Variants in RGS6 observed in about 807,000 individuals in gnomAD.
RGS6 encodes regulator of G protein signaling 6.
RGS6 carries 30 observed loss-of-function variants against 78.5 expected under a neutral mutation model. The observed-to-expected ratio is 0.38, with a 90% confidence interval of 0.29 to 0.52. RGS6 has a LOEUF of 0.52. RGS6 is among the 20% of genes least tolerant of loss of function. The pLI, the probability that RGS6 is intolerant of heterozygous loss-of-function variation, is 0.85. For missense variants in RGS6, 495 were observed against 609.7 expected (o/e 0.81, Z 1.98); for synonymous variants, 206 against 206.0 (o/e 1.00, Z 0.00).
At chr14:72,350,168 A>G (rs1426593699) in intron 2 of RGS6, among the ~76,000 whole-genome samples, 1 of 152,090 alleles carries the variant, frequency 6.6e-6, no homozygotes, top group Non-Finnish European at 1.5e-5. Context: ...CTAGCATAAT[A>G]CTCATCTACC....
chr14:72,091,801 A>G (rs8021620), intron 2 of RGS6, among the ~76,000 whole-genome samples: 132,321 of 152,088 alleles, frequency 0.87, 57,902 homozygotes, highest in Admixed American at 0.93. Flanking sequence ...AATCACATTT[A>G]ACTGCTCTCC....
chr14:72,483,438 C>T (rs1041843661), intron 12 of RGS6, among the ~76,000 whole-genome samples: 18 of 152,108 alleles, frequency 1.2e-4, no homozygotes, highest in African/African-American at 4.3e-4. Context: ...TGCCGCTGCT[C>T]CCTGAAATTG....
At chr14:72,105,411 G>A (rs2095613711) in intron 2 of RGS6, among the ~76,000 whole-genome samples, 2 of 152,040 alleles carry the variant, frequency 1.3e-5, no homozygotes, top group African/African-American at 4.8e-5. Flanking sequence ...ATTCCTTTTT[G>A]TACTTTTCAT....
At chr14:72,422,141 TGC>T in intron 3 of RGS6, among the ~76,000 whole-genome samples, 1 of 152,208 alleles carries the variant, frequency 6.6e-6, no homozygotes, top group Non-Finnish European at 1.5e-5. Context: ...AGACATGACT[TGC>T]ACCTCCTTGC....
intron 2 of RGS6, among the ~76,000 whole-genome samples, chr14:72,324,374 T>A (rs1037398120): frequency 6.6e-6 from 1 of 152,110 alleles, no homozygotes; most frequent in Non-Finnish European, 1.5e-5. Context: ...CTTTTTTTTT[T>A]AATTTAAGTT....
chr14:71,922,350 A>G, the RGS6 span, among the ~76,000 whole-genome samples: 2 of 152,180 alleles, frequency 1.3e-5, no homozygotes, highest in Non-Finnish European at 2.9e-5. Flanking sequence ...ATCCCTCACC[A>G]TACTGGATTA....
rs562026483 is a variant in RGS6 at position 72,186,136 on chromosome 14, A to G, written c.85-165959A>G. Among the ~76,000 whole-genome samples, 6 of 152,332 alleles carry G rather than the reference A, an allele frequency of 3.9e-5. No individual in the cohort carries two copies. The South Asian group carries it at 1.2e-3, about 32-fold the overall frequency. Reference sequence around the variant, plus strand: ...TCCGGTGCCTTTGACCCCAAAGCCTATGGCTGGAGATGCCTGCCAAGGCAA... The same window carrying G: ...TCCGGTGCCTTTGACCCCAAAGCCTGTGGCTGGAGATGCCTGCCAAGGCAA... On this transcript the variant is annotated intron_variant, in intron 2 of 17. Transcript: ENST00000553525.
intron 2 of RGS6, among the ~76,000 whole-genome samples, chr14:72,182,738 G>A (rs1478365954): frequency 6.6e-6 from 1 of 152,212 alleles, no homozygotes; most frequent in African/African-American, 2.4e-5. Context: ...GAGCTCAGCA[G>A]CAAGTTTCTA....
intron 2 of RGS6, among the ~76,000 whole-genome samples, chr14:72,044,979 C>T (rs1380558677): frequency 6.6e-6 from 1 of 152,220 alleles, no homozygotes; most frequent in East Asian, 1.9e-4. Context: ...CTTAGGCCTT[C>T]AGCCTTGGAC....
the RGS6 span, among the ~76,000 whole-genome samples, chr14:72,609,877 C>T: frequency 1.3e-5 from 2 of 152,214 alleles, no homozygotes; most frequent in African/African-American, 4.8e-5. Context: ...CAGTCCTGGT[C>T]TGAAGTACCA....
At chr14:72,160,846 C>T (rs1054990405) in intron 2 of RGS6, among the ~76,000 whole-genome samples, 1 of 152,186 alleles carries the variant, frequency 6.6e-6, no homozygotes, top group Admixed American at 6.5e-5. Context: ...TTAAGTCACA[C>T]AGTCTGTGGT....
chr14:72,164,729 T>A (rs1046068087), intron 2 of RGS6, among the ~76,000 whole-genome samples: 1 of 152,172 alleles, frequency 6.6e-6, no homozygotes, highest in African/African-American at 2.4e-5. Context: ...TCTTCCTTCC[T>A]TTTTGTTGGC....
the RGS6 span, among the ~76,000 whole-genome samples, chr14:71,926,850 T>C: frequency 1.3e-5 from 2 of 152,154 alleles, no homozygotes; most frequent in Admixed American, 6.5e-5. Context: ...TGGACACATA[T>C]TGACTCTATA....
intron 2 of RGS6, among the ~76,000 whole-genome samples, chr14:72,208,311 G>T (rs2043178462): frequency 6.6e-6 from 1 of 152,220 alleles, no homozygotes; most frequent in South Asian, 2.1e-4. Flanking sequence ...ACACAGCTGA[G>T]CAAAGAGAGA....
intron 2 of RGS6, among the ~76,000 whole-genome samples, chr14:72,039,617 G>C (rs143172316): frequency 6.6e-6 from 1 of 152,220 alleles, no homozygotes; most frequent in East Asian, 1.9e-4. Flanking sequence ...ACATCAGATA[G>C]TGAGGTCTTG....
rs868618123 is a variant in RGS6, at chr14:72,386,922, A to G, written c.184+34728A>G. Among the ~76,000 whole-genome samples the G allele has an allele frequency of 2.6e-5, 4 of 152,278 alleles. No individual in the cohort carries two copies. In the South Asian group the frequency reaches 8.3e-4, roughly 32 times the overall value. ...TGGGGTGCTGGGGGTAGCAGTGGGT[A>G]GGAAGAGAATTAGCTGTGAAAGGGC... is the stretch of plus-strand genomic sequence containing the variant. On this transcript the variant is annotated intron_variant, in intron 3 of 17. Transcript: ENST00000553525.
chr14:72,298,366 G>A (rs1436597636), intron 2 of RGS6, among the ~76,000 whole-genome samples: 1 of 149,220 alleles, frequency 6.7e-6, no homozygotes, highest in Non-Finnish European at 1.5e-5. Context: ...GGATACATTT[G>A]AGTTTTTAAT....
chr14:72,089,243 C>T (rs1427856845), intron 2 of RGS6, among the ~76,000 whole-genome samples: 3 of 152,212 alleles, frequency 2.0e-5, no homozygotes, highest in African/African-American at 7.2e-5. Context: ...CACTGCATGC[C>T]TGCCACCTAT....
intron 2 of RGS6, among the ~76,000 whole-genome samples, chr14:72,211,299 G>GTA (rs2044089931): frequency 6.6e-6 from 1 of 152,182 alleles, no homozygotes; most frequent in African/African-American, 2.4e-5. Flanking sequence ...AAAATATTAA[G>GTA]TATAAAGAGG....
Sources: gnomAD v4.1 joint callset for allele counts (sites outside exome capture counted in the v4.1 genomes callset) on GRCh38, gnomAD v4.1.1 for gene constraint, MANE v1.5 for transcripts, NCBI Gene and HGNC (gene_info 2026-07-23, HGNC 2026-07-21) for gene names.